Variants in EPCIP observed in about 807,000 individuals in gnomAD.
EPCIP encodes exosomal polycystin 1 interacting protein, also known as exosomal polycystin-1-interacting protein.
chr21:32,796,958 C>T, the EPCIP span: 3 of 470,788 alleles, frequency 6.4e-6, no homozygotes, highest in African/African-American at 4.0e-5. Flanking sequence ...CTTTTAGAGG[C>T]AGCCGTGGAA....
the EPCIP span, among the ~76,000 whole-genome samples, chr21:32,804,846 T>C: frequency 6.6e-6 from 1 of 152,166 alleles, no homozygotes; most frequent in Admixed American, 6.5e-5. Context: ...TTCTACTAAC[T>C]TAAATGTGAA....
chr21:32,809,376 C>G, the EPCIP span, among the ~76,000 whole-genome samples: 1 of 137,050 alleles, frequency 7.3e-6, no homozygotes, highest in Admixed American at 7.9e-5. Context: ...CTTCCTTTCT[C>G]TCTCTCTTTC....
At chr21:32,807,357 A>T in the EPCIP span, among the ~76,000 whole-genome samples, 1 of 132,578 alleles carries the variant, frequency 7.5e-6, no homozygotes, top group South Asian at 2.3e-4. Context: ...TTTGAGACAG[A>T]GTTTTGCTCT....
At chr21:32,797,105 A>AT in the EPCIP span, 1 of 426,280 alleles carries the variant, frequency 2.3e-6, no homozygotes, top group South Asian at 1.8e-5. Flanking sequence ...CCTCCTGGAC[A>AT]TTAGGAAGCC....
At chr21:32,797,268 T>C in the EPCIP span, 24 of 266,686 alleles carry the variant, frequency 9.0e-5, no homozygotes, top group South Asian at 2.9e-4. Flanking sequence ...AATTTCTTTT[T>C]TCTCTTTTGA....
At chr21:32,799,376 C>T in the EPCIP span, among the ~76,000 whole-genome samples, 1 of 152,160 alleles carries the variant, frequency 6.6e-6, no homozygotes, top group African/African-American at 2.4e-5. Context: ...TCGATTTTAC[C>T]ACCCAAGAAT....
At chr21:32,800,479 G>T in the EPCIP span, among the ~76,000 whole-genome samples, 1 of 152,176 alleles carries the variant, frequency 6.6e-6, no homozygotes, top group African/African-American at 2.4e-5. Flanking sequence ...TGATTTAAAG[G>T]CTCAAATATT....
the EPCIP span, chr21:32,794,304 T>A: frequency 6.2e-7 from 1 of 1,614,272 alleles, no homozygotes; most frequent in Non-Finnish European, 8.5e-7. Flanking sequence ...CAGTTCCGAA[T>A]GGTGTTTTCC....
chr21:32,803,406 C>T, the EPCIP span, among the ~76,000 whole-genome samples: 1 of 152,178 alleles, frequency 6.6e-6, no homozygotes, highest in Non-Finnish European at 1.5e-5. Flanking sequence ...CACCTGTTCT[C>T]AGGTCCAGTG....
At chr21:32,800,934 C>A in the EPCIP span, among the ~76,000 whole-genome samples, 10 of 152,192 alleles carry the variant, frequency 6.6e-5, no homozygotes, top group African/African-American at 2.4e-4. Context: ...TTGCGTCTTA[C>A]AACCTAGGTA....
At chr21:32,795,553 G>T in the EPCIP span, among the ~76,000 whole-genome samples, 1 of 152,224 alleles carries the variant, frequency 6.6e-6, no homozygotes, top group Non-Finnish European at 1.5e-5. Flanking sequence ...CATGGGTGTG[G>T]TGGGATACTT....
chr21:32,813,415 G>C, the EPCIP span, among the ~76,000 whole-genome samples: 3 of 152,164 alleles, frequency 2.0e-5, no homozygotes, highest in Admixed American at 2.0e-4. Flanking sequence ...GTTTCATAGT[G>C]AAAGCCACTC....
chr21:32,792,255 T>C, the EPCIP span, among the ~76,000 whole-genome samples: 5 of 152,356 alleles, frequency 3.3e-5, no homozygotes, highest in East Asian at 7.7e-4. Context: ...CATTTAATTT[T>C]TTCAAAAGTA....
the EPCIP span, among the ~76,000 whole-genome samples, chr21:32,812,763 C>T: frequency 2.6e-5 from 4 of 151,938 alleles, no homozygotes; most frequent in Non-Finnish European, 5.9e-5. Context: ...CATTTCCTGT[C>T]CTCAGTATAC....
the EPCIP span, chr21:32,794,005 G>A: frequency 3.1e-6 from 5 of 1,614,096 alleles, no homozygotes; most frequent in Non-Finnish European, 4.2e-6. Context: ...GGATGAGTAA[G>A]CTCTGCTCTG....
the EPCIP span, among the ~76,000 whole-genome samples, chr21:32,805,498 A>G: frequency 6.6e-6 from 1 of 152,008 alleles, no homozygotes; most frequent in Non-Finnish European, 1.5e-5. Context: ...AATAGCTGGG[A>G]TTACAGGTGT....
At chr21:32,796,312 G>A in the EPCIP span, among the ~76,000 whole-genome samples, 2 of 152,222 alleles carry the variant, frequency 1.3e-5, no homozygotes, top group Non-Finnish European at 2.9e-5. Context: ...GCAGGGCCCA[G>A]CCTGGGCTGT....
chr21:32,809,281 T>TTTCTTTCTTTCC, the EPCIP span, among the ~76,000 whole-genome samples: 1 of 27,406 alleles, frequency 3.6e-5, no homozygotes, highest in African/African-American at 9.3e-5. Flanking sequence ...CCCTCCTTCC[T>TTTCTTTCTTTCC]TTCTTTCTTT....
the EPCIP span, among the ~76,000 whole-genome samples, chr21:32,803,609 G>T: frequency 1.3e-5 from 2 of 148,774 alleles, no homozygotes; most frequent in Admixed American, 6.8e-5. Context: ...TGCACTGCAG[G>T]AGATAGGTTA....
Sources: gnomAD v4.1 joint callset for allele counts (sites outside exome capture counted in the v4.1 genomes callset) on GRCh38, gnomAD v4.1.1 for gene constraint, MANE v1.5 for transcripts, NCBI Gene and HGNC (gene_info 2026-07-23, HGNC 2026-07-21) for gene names.